Variants in NR6A1 observed in about 807,000 individuals in gnomAD.
NR6A1 encodes the protein retinoic acid receptor-related testis-associated receptor.
In NR6A1, 7 loss-of-function variants were observed where a neutral mutation model predicts 59.1. The observed-to-expected ratio is 0.12, with a 90% CI of 0.07 to 0.22. NR6A1 has a LOEUF of 0.22. NR6A1 is among the 10% of genes least tolerant of loss of function. NR6A1 has a pLI of 1.00. For missense variants in NR6A1, 468 were observed against 611.6 expected (o/e 0.77, Z 2.48); for synonymous variants, 243 against 236.1 (o/e 1.03, Z -0.27).
chr9:124,762,504 C>A (rs538867576), intron 1 of NR6A1, among the ~76,000 whole-genome samples: 1 of 152,230 alleles, frequency 6.6e-6, no homozygotes, highest in East Asian at 1.9e-4. Flanking sequence ...TCTGGCCCCA[C>A]AGATTTATAA....
At chr9:124,628,017 TTTGTTGTTGTTA>T (rs1366813352) in intron 2 of NR6A1, among the ~76,000 whole-genome samples, 3 of 151,558 alleles carry the variant, frequency 2.0e-5, no homozygotes, top group African/African-American at 4.8e-5. Context: ...GGCCTTTGCT[TTTGTTGTTGTTA>T]TTGTTGTTGT....
intron 2 of NR6A1, chr9:124,692,324 C>CAA (rs1838577839): frequency 3.2e-6 from 1 of 311,666 alleles, no homozygotes; most frequent in African/African-American, 2.2e-5. Flanking sequence ...CTCTGCTGCA[C>CAA]ACAAATTGAT....
intron 2 of NR6A1, among the ~76,000 whole-genome samples, chr9:124,599,855 T>C (rs1258544431): frequency 1.3e-5 from 2 of 149,316 alleles, no homozygotes; most frequent in African/African-American, 2.4e-5. Flanking sequence ...CTAAACCACG[T>C]ATCTTGAGGA....
intron 2 of NR6A1, among the ~76,000 whole-genome samples, chr9:124,597,601 G>A (rs1835314533): frequency 6.6e-6 from 1 of 152,168 alleles, no homozygotes; most frequent in Non-Finnish European, 1.5e-5. Flanking sequence ...TGAAGCAGAC[G>A]CCTTGATTTT....
At chr9:124,588,529 C>T (rs1297788057) in intron 2 of NR6A1, among the ~76,000 whole-genome samples, 2 of 148,844 alleles carry the variant, frequency 1.3e-5, no homozygotes, top group Non-Finnish European at 1.5e-5. Flanking sequence ...AGGATGGTGT[C>T]GATCTCCTGG....
chr9:124,561,032 C>A (rs1156360166), intron 2 of NR6A1, among the ~76,000 whole-genome samples: 1 of 152,106 alleles, frequency 6.6e-6, no homozygotes, highest in Non-Finnish European at 1.5e-5. Flanking sequence ...ACAGGCTGAG[C>A]ACCGTAGTCC....
At chr9:124,599,662 C>G in intron 2 of NR6A1, 1 of 1,083,562 alleles carries the variant, frequency 9.2e-7, no homozygotes. Flanking sequence ...GTAGCTCCTT[C>G]CCTCTGCGTC....
intron 2 of NR6A1, among the ~76,000 whole-genome samples, chr9:124,720,478 T>A (rs1839532516): frequency 6.6e-6 from 1 of 152,228 alleles, no homozygotes; most frequent in African/African-American, 2.4e-5. Flanking sequence ...ATGAAAAAGA[T>A]CTTTAACACT....
At chr9:124,732,657 G>T (rs1839917939) in intron 2 of NR6A1, among the ~76,000 whole-genome samples, 1 of 151,780 alleles carries the variant, frequency 6.6e-6, no homozygotes, top group Non-Finnish European at 1.5e-5. Context: ...AGAAGTGTTT[G>T]TGAGTATACA....
intron 2 of NR6A1, among the ~76,000 whole-genome samples, chr9:124,665,574 T>C (rs1194462247): frequency 6.6e-6 from 1 of 152,242 alleles, no homozygotes; most frequent in African/African-American, 2.4e-5. Flanking sequence ...TATGAAATGA[T>C]GTTGCAGGAG....
At chr9:124,653,054 TC>T (rs1837150109) in intron 2 of NR6A1, among the ~76,000 whole-genome samples, 1 of 152,200 alleles carries the variant, frequency 6.6e-6, no homozygotes, top group Admixed American at 6.5e-5. Flanking sequence ...TGCTTTTTTT[TC>T]CCTTCAGTTT....
rs117267301 is a variant in NR6A1, at chr9:124,703,536, G to A, written c.142+29772C>T. On this transcript the variant is annotated intron_variant, in intron 2 of 9. Coordinates refer to ENST00000487099, the MANE Select transcript of NR6A1 (RefSeq NM_033334.4). ...CCTACCTTTTAGTGGAATGTTTGTCGACACTTGGTATACTGCATTTTTATG... is the reference window on the plus strand; with the variant it reads ...CCTACCTTTTAGTGGAATGTTTGTCAACACTTGGTATACTGCATTTTTATG... Among the ~76,000 whole-genome samples, 822 of 152,048 alleles carry A rather than the reference G, an allele frequency of 5.4e-3. 33 individuals carry two copies. The East Asian group carries it at 0.097, about 18-fold the overall frequency.
At position 124,739,425 on chromosome 9, in the gene NR6A1, G is replaced by A. The variant is rs180867666; in HGVS notation, c.101-6076C>T. 5.5e-3 allele frequency among the ~76,000 whole-genome samples: 840 copies of A among 152,286 alleles called. 7 individuals are homozygous for A. Among genetic ancestry groups the A allele is most frequent in the African/African-American group, 0.019 (799 of 41,554 alleles). On this transcript the variant is annotated intron_variant, in intron 1 of 9. Coordinates refer to ENST00000487099, the MANE Select transcript of NR6A1 (RefSeq NM_033334.4). ...GGAATCTTATTTCATACAAGAGAAAGTTCCAGTTGACAAGCTCTTCTCCAA... is the reference window on the plus strand; with the variant it reads ...GGAATCTTATTTCATACAAGAGAAAATTCCAGTTGACAAGCTCTTCTCCAA...
In NR6A1 at chr9:124,522,466, A is replaced by G; in HGVS notation, c.*239T>C. On this transcript the variant is annotated 3_prime_UTR_variant, in exon 10 of 10. Transcript: ENST00000487099. Reference sequence around the variant, plus strand: ...AACTGTAAGAAAATGCATTGGCTGCATTCACACAAAAGCATGTGCATCATG... The same window carrying G: ...AACTGTAAGAAAATGCATTGGCTGCGTTCACACAAAAGCATGTGCATCATG... The G allele has an allele frequency of 2.9e-6, 1 of 346,508 alleles. No homozygotes were observed. Among genetic ancestry groups the G allele is most frequent in the African/African-American group, 2.1e-5 (1 of 48,608 alleles). The allele number at this position is 346,508 out of a possible 1,614,324, so 21.5% of individuals were successfully genotyped here. A position where few individuals can be genotyped will look rare whatever the true frequency, so the allele number is the denominator to read the frequency against.
At chr9:124,670,052 T>C (rs752377199) in intron 2 of NR6A1, among the ~76,000 whole-genome samples, 1 of 152,060 alleles carries the variant, frequency 6.6e-6, no homozygotes, top group Non-Finnish European at 1.5e-5. Flanking sequence ...CATACCATTT[T>C]TCCCCCTACC....
At position 124,738,301 on chromosome 9, in the gene NR6A1, TAAAC is replaced by T. The variant is rs892425864; in HGVS notation, c.101-4956_101-4953del. ...AAAGCAGGCTCTTAAGCTTCATAAA[TAAAC>T]AAACATACCCCCAAACCCACCTGTC... On this transcript the variant is annotated intron_variant, in intron 1 of 9. Coordinates refer to ENST00000487099, the MANE Select transcript of NR6A1 (RefSeq NM_033334.4). 1.7e-4 allele frequency among the ~76,000 whole-genome samples: 26 copies of T among 152,120 alleles called. 1 individual carries two copies. The highest frequency in any genetic ancestry group is 5.8e-4 in the African/African-American group (24 of 41,504).
chr9:124,537,224 C>T (rs1464671066), intron 6 of NR6A1, among the ~76,000 whole-genome samples: 4 of 152,228 alleles, frequency 2.6e-5, no homozygotes, highest in African/African-American at 7.2e-5. Context: ...TGAGTAGCTG[C>T]GATTACAGGC....
chr9:124,587,560 T>C (rs540341946), intron 2 of NR6A1, among the ~76,000 whole-genome samples: 2 of 152,312 alleles, frequency 1.3e-5, no homozygotes, highest in East Asian at 3.9e-4. Context: ...AAAAATGTAG[T>C]TGCCCACTAC....
intron 2 of NR6A1, among the ~76,000 whole-genome samples, chr9:124,672,981 T>C (rs747539541): frequency 9.0e-4 from 137 of 152,060 alleles, no homozygotes; most frequent in Non-Finnish European, 9.3e-4. Flanking sequence ...TCTGAAATGA[T>C]TAGGTTGTGT....
Sources: allele counts gnomAD v4.1 joint callset (sites outside exome capture counted in the v4.1 genomes callset), GRCh38; gene constraint gnomAD v4.1.1; transcripts MANE v1.5; gene names NCBI Gene and HGNC (gene_info 2026-07-23, HGNC 2026-07-21).